FNTB: variants seen among roughly 807,000 people sequenced by gnomAD.
FNTB encodes farnesyltransferase, CAAX box, subunit beta.
In FNTB, 27 loss-of-function variants were observed where a neutral mutation model predicts 59.4. That is an observed-to-expected ratio of 0.45 (90% CI 0.34 to 0.63). The LOEUF (loss-of-function observed/expected upper bound fraction) is 0.63. FNTB is among the 20% of genes least tolerant of loss of function. The pLI is 0.02. For missense variants in FNTB, 449 were observed against 559.6 expected (o/e 0.80, Z 1.99); for synonymous variants, 230 against 220.7 (o/e 1.04, Z -0.37).
chr14:64,988,051 C>CT (rs973334833), intron 1 of FNTB, among the ~76,000 whole-genome samples: 2 of 152,158 alleles, frequency 1.3e-5, no homozygotes, highest in Non-Finnish European at 2.9e-5. Flanking sequence ...GTATTTCCTA[C>CT]TTTAAGTTGG....
At chr14:65,018,112 T>C (rs981632033) in intron 4 of FNTB, among the ~76,000 whole-genome samples, 1 of 152,116 alleles carries the variant, frequency 6.6e-6, no homozygotes, top group Non-Finnish European at 1.5e-5. Context: ...GAGGCCACGG[T>C]CAGAGGACCA....
At chr14:65,036,999 A>AT (rs1467767513) in intron 7 of FNTB, among the ~76,000 whole-genome samples, 1 of 151,694 alleles carries the variant, frequency 6.6e-6, no homozygotes, top group Non-Finnish European at 1.5e-5. Flanking sequence ...ATTTTTATTC[A>AT]TTTTGCTGGG....
At position 65,054,654 on chromosome 14, in the gene FNTB, C is replaced by T; in HGVS notation, c.1147C>T (p.His383Tyr). The T allele has an allele frequency of 6.2e-7, 1 of 1,613,400 alleles. No individual in the cohort carries two copies. Among genetic ancestry groups the T allele is most frequent in the Non-Finnish European group, 8.5e-7 (1 of 1,179,684 alleles). Residue 383 changes from histidine (H) to tyrosine (Y), a missense_variant, in exon 11 of 12, where the codon CAT (histidine) becomes TAT (tyrosine). Coordinates refer to ENST00000246166, the MANE Select transcript of FNTB (RefSeq NM_002028.4). The surrounding 1 kb of genome is among the most constrained non-coding windows in gnomAD (Gnocchi z 4.4). ...GCACTTCGGCAGCGGAGCCATGTTGCATGATGTGGTCCTGGGTGTGCCCGA... is the reference window on the plus strand; with the variant it reads ...GCACTTCGGCAGCGGAGCCATGTTGTATGATGTGGTCCTGGGTGTGCCCGA... ...AQHFGSGAML[H>Y]DVVLGVPENA...
chr14:65,020,182 T>C (rs952502585), intron 4 of FNTB, among the ~76,000 whole-genome samples: 2 of 152,370 alleles, frequency 1.3e-5, no homozygotes, highest in African/African-American at 2.4e-5. Flanking sequence ...CAAAATACTT[T>C]TGTCAGCTGC....
rs2062041352 is a variant in FNTB at position 65,029,523 on chromosome 14, A to G, written c.605+1742A>G. 6.6e-6 allele frequency among the ~76,000 whole-genome samples: 1 copy of G among 152,368 alleles called. No homozygotes were observed. The highest frequency in any genetic ancestry group is 1.9e-4 in the East Asian group (1 of 5,196). On this transcript the variant is annotated intron_variant, in intron 6 of 11. Transcript: ENST00000246166. This position sits in a 1 kb window ranked among gnomAD's most constrained non-coding sequence, Gnocchi z 4.7. ...GTTCCAGTGTATTGTAAAAAATCAA[A>G]TCACAGTGAACTCATAGCAAGCACT...
chr14:65,021,173 T>G (rs1269631168), intron 4 of FNTB, among the ~76,000 whole-genome samples: 1 of 152,238 alleles, frequency 6.6e-6, no homozygotes, highest in Non-Finnish European at 1.5e-5. Context: ...GAGAATCCCA[T>G]TCTTTGTTAC....
At chr14:64,987,290 G>A in intron 1 of FNTB, 193 bp downstream of exon 1, 4 of 635,326 alleles carry the variant, frequency 6.3e-6, no homozygotes, top group Non-Finnish European at 1.1e-5. Flanking sequence ...GGCCAGCTTG[G>A]GGAAGGGTCG....
In FNTB at chr14:64,997,026, T is replaced by TA. The variant is rs895354413; in HGVS notation, c.145-7212dup. On this transcript the variant is annotated intron_variant, in intron 1 of 11. Transcript: ENST00000246166. The surrounding 1 kb of genome is among the most constrained non-coding windows in gnomAD (Gnocchi z 4.5). The stretch of plus-strand genomic sequence containing the variant: ...CATTTTGCCTTTTTTCATTTCACAG[T>TA]AAAAAAAAAAATAGAAACAGAGTCT... Among the ~76,000 whole-genome samples, 87 of 146,282 alleles carry TA rather than the reference T, an allele frequency of 5.9e-4. 1 individual carries two copies. Among genetic ancestry groups the TA allele is most frequent in the East Asian group, 9.9e-4 (5 of 5,076 alleles).
intron 7 of FNTB, among the ~76,000 whole-genome samples, chr14:65,038,867 C>T (rs2062277414): frequency 1.3e-5 from 2 of 152,130 alleles, no homozygotes; most frequent in Non-Finnish European, 2.9e-5. Context: ...GTTTTCCTCC[C>T]TGACTACTTT....
chr14:65,052,838 T>C (rs1410150069), intron 9 of FNTB, among the ~76,000 whole-genome samples: 1 of 152,186 alleles, frequency 6.6e-6, no homozygotes, highest in Non-Finnish European at 1.5e-5. Context: ...TAACAAGTTA[T>C]AGAGATATGC....
intron 1 of FNTB, among the ~76,000 whole-genome samples, chr14:65,002,618 TAATAA>T (rs1242714773): frequency 6.4e-4 from 95 of 148,310 alleles, no homozygotes; most frequent in African/African-American, 2.1e-3. Flanking sequence ...AAAATAATAA[TAATAA>T]AATAAAAAAA....
chr14:65,008,891 C>T (rs1396104814), intron 2 of FNTB, among the ~76,000 whole-genome samples: 1 of 152,148 alleles, frequency 6.6e-6, no homozygotes, highest in Non-Finnish European at 1.5e-5. Flanking sequence ...CCTGACTTCC[C>T]ATAGCCTTAA....
chr14:65,055,096 T>C (rs958295472), intron 11 of FNTB, among the ~76,000 whole-genome samples: 1 of 152,246 alleles, frequency 6.6e-6, no homozygotes, highest in Non-Finnish European at 1.5e-5. Context: ...TCAGCTTAGA[T>C]GCCATCTCTT....
At position 65,061,341 on chromosome 14, in the gene FNTB, C is replaced by T; in HGVS notation, c.*29C>T. 6.2e-7 allele frequency: 1 copy of T among 1,612,654 alleles called. No homozygotes were observed. The highest frequency in any genetic ancestry group is 1.1e-5 in the South Asian group (1 of 90,980). On this transcript the variant is annotated 3_prime_UTR_variant, in exon 12 of 12. Coordinates refer to ENST00000246166, the MANE Select transcript of FNTB (RefSeq NM_002028.4). ...ACCTGGGTCCCGGCAGCTCTTTGCT[C>T]ACCCATCTCCCCAGTCAGACAAGGT...
chr14:65,037,146 C>T (rs1167682394), intron 7 of FNTB, among the ~76,000 whole-genome samples: 2 of 150,944 alleles, frequency 1.3e-5, no homozygotes, highest in African/African-American at 2.4e-5. Context: ...TGTTGTTACC[C>T]GGGCTGGAGT....
chr14:65,038,955 A>G (rs913077759), intron 7 of FNTB, among the ~76,000 whole-genome samples: 3 of 152,016 alleles, frequency 2.0e-5, no homozygotes, highest in African/African-American at 7.2e-5. Context: ...CTTACTTCAT[A>G]TAATATTTTA....
chr14:64,991,021 A>G lies in FNTB; in HGVS notation c.144+3924A>G, dbSNP rs1400233937. Among the ~76,000 whole-genome samples the G allele has an allele frequency of 6.6e-6, 1 of 152,200 alleles. No homozygotes were observed. The highest frequency in any genetic ancestry group is 1.5e-5 in the Non-Finnish European group (1 of 68,036). ...TGCCTTCCTTATTGTGCCATCTGGA[A>G]TCATCCCATTGCAGACACTCTGATT... On this transcript the variant is annotated intron_variant, in intron 1 of 11. Coordinates refer to ENST00000246166, the MANE Select transcript of FNTB (RefSeq NM_002028.4). This position sits in a 1 kb window ranked among gnomAD's most constrained non-coding sequence, Gnocchi z 4.4.
intron 7 of FNTB, among the ~76,000 whole-genome samples, chr14:65,038,401 C>T (rs2139614759): frequency 6.7e-6 from 1 of 150,368 alleles, no homozygotes; most frequent in Non-Finnish European, 1.5e-5. Flanking sequence ...CAGTGTGAGA[C>T]TCCATCTCAA....
intron 4 of FNTB, among the ~76,000 whole-genome samples, chr14:65,025,562 C>T (rs1017324616): frequency 1.3e-5 from 2 of 152,182 alleles, no homozygotes; most frequent in Admixed American, 1.3e-4. Context: ...CACCTGTGAC[C>T]TCAGCACTTT....
Sources: allele counts gnomAD v4.1 joint callset (sites outside exome capture counted in the v4.1 genomes callset), GRCh38; gene constraint gnomAD v4.1.1; non-coding constraint Gnocchi (gnomAD v3.1); transcripts MANE v1.5; gene names NCBI Gene and HGNC (gene_info 2026-07-23, HGNC 2026-07-21).